Variants in PIK3CA observed in about 807,000 individuals in gnomAD.
The protein encoded by PIK3CA is phosphatidylinositol-4,5-bisphosphate 3-kinase catalytic subunit alpha.
A neutral mutation model predicts 138.2 loss-of-function variants in PIK3CA; 27 were observed. The observed-to-expected ratio is 0.20, with a 90% CI of 0.14 to 0.27. The LOEUF is 0.27. PIK3CA is among the 10% of genes least tolerant of loss of function. The pLI, the probability that PIK3CA is intolerant of heterozygous loss-of-function variation, is 1.00. For synonymous variants in PIK3CA, 358 were observed against 413.2 expected, an observed-to-expected ratio of 0.87 and a Z score of 1.62; for missense variants, 544 against 1,277.4, an observed-to-expected ratio of 0.43 and a Z score of 8.75.
intron 14 of PIK3CA, 80 bp downstream of exon 14, chr3:179,221,237 A>T (rs1724960095): frequency 1.2e-6 from 1 of 865,580 alleles, no homozygotes; most frequent in Non-Finnish European, 1.8e-6. Context: ...GTATATACAG[A>T]TCATGGTCCT....
intron 1 of PIK3CA, among the ~76,000 whole-genome samples, chr3:179,187,888 C>T (rs942365314): frequency 4.6e-5 from 7 of 152,120 alleles, no homozygotes; most frequent in Non-Finnish European, 7.4e-5. Flanking sequence ...CCGCCCGCCT[C>T]GGCCTCCCAA....
At position 179,204,531 on chromosome 3, in the gene PIK3CA, G is replaced by T. The variant is rs759188876; in HGVS notation, c.1088G>T (p.Gly363Val). The change falls in exon 6 of 21, where the codon GGA (glycine) becomes GTA (valine). Residue 363 changes from glycine (G) to valine (V), a missense_variant. Transcript: ENST00000263967. ...TATGTTCGAACAGGTATCTACCATGGAGGAGAACCCTTATGTGACAATGTG... is the reference window on the plus strand; with the variant it reads ...TATGTTCGAACAGGTATCTACCATGTAGGAGAACCCTTATGTGACAATGTG... ...KIYVRTGIYH[G>V]GEPLCDNVNT... 6.3e-7 allele frequency: 1 copy of T among 1,589,762 alleles called. No individual in the cohort carries two copies. Among genetic ancestry groups the T allele is most frequent in the Non-Finnish European group, 8.6e-7 (1 of 1,158,306 alleles).
At chr3:179,223,976 G>C in intron 14 of PIK3CA, 105 bp from the exon 15 acceptor site, 1 of 561,550 alleles carries the variant, frequency 1.8e-6, no homozygotes, top group South Asian at 2.9e-5. Context: ...TGTAGATTCA[G>C]AGACTGTACA....
rs1224372809 is a variant in PIK3CA, at chr3:179,204,502, G to C, written c.1060-1G>C. 1 of 1,499,362 alleles carries C rather than the reference G, an allele frequency of 6.7e-7. No homozygotes were observed. The highest frequency in any genetic ancestry group is 9.3e-7 in the Non-Finnish European group (1 of 1,077,780). The allele number at this position is 1,499,362 out of a possible 1,614,324, so 92.9% of individuals were successfully genotyped here. ...AGTATATACCTACTTTTTTCTTTTA[G>C]ATCTATGTTCGAACAGGTATCTACC... On this transcript the variant is annotated splice_acceptor_variant, in intron 5 of 20. Coordinates refer to ENST00000263967, the MANE Select transcript of PIK3CA (RefSeq NM_006218.4). LOFTEE classifies it high-confidence loss of function.
At chr3:179,187,811 G>T (rs1560133330) in intron 1 of PIK3CA, among the ~76,000 whole-genome samples, 1 of 151,200 alleles carries the variant, frequency 6.6e-6, no homozygotes, top group Non-Finnish European at 1.5e-5. Flanking sequence ...CTAATTTTTT[G>T]TATTTTTAGT....
chr3:179,213,161 G>A (rs1234933500), intron 9 of PIK3CA, among the ~76,000 whole-genome samples: 5 of 152,188 alleles, frequency 3.3e-5, no homozygotes, highest in Non-Finnish European at 4.4e-5. Flanking sequence ...TCTCTGAGAT[G>A]ATAACCTTGA....
rs762836471 is a variant in PIK3CA, at chr3:179,234,373, CT to C, written c.*10del. The C allele has an allele frequency of 1.4e-5, 22 of 1,593,592 alleles. No individual in the cohort carries two copies. In the Admixed American group the frequency reaches 3.8e-4, roughly 27 times the overall value. ...AGCATGCATTGAACTGAAAAGATAACTGAGAAAATGAAAGCTCACTCTGGAT... is the reference window on the plus strand; with the variant it reads ...AGCATGCATTGAACTGAAAAGATAACGAGAAAATGAAAGCTCACTCTGGAT... On this transcript the variant is annotated 3_prime_UTR_variant, in exon 21 of 21. Coordinates refer to ENST00000263967, the MANE Select transcript of PIK3CA (RefSeq NM_006218.4). This position sits in a 1 kb window ranked among gnomAD's most constrained non-coding sequence, Gnocchi z 5.1.
chr3:179,203,220 G>A (rs756370641), intron 4 of PIK3CA, among the ~76,000 whole-genome samples: 10 of 152,110 alleles, frequency 6.6e-5, no homozygotes, highest in Admixed American at 2.0e-4. Flanking sequence ...GATTACAGGC[G>A]TGAGCCACCA....
At chr3:179,233,134 T>C (rs1404251662) in intron 20 of PIK3CA, among the ~76,000 whole-genome samples, 1 of 152,064 alleles carries the variant, frequency 6.6e-6, no homozygotes, top group Admixed American at 6.6e-5. Flanking sequence ...GCTGGGATTA[T>C]AGAAATGAGC....
Position 179,198,855 on chromosome 3 carries a change from G to C in PIK3CA, c.30G>C (p.Leu10=), listed in dbSNP as rs758862912. MPPRPSSGE[L]WGIHLMPPRI... is the part of the protein sequence containing the mutation. ...CTCCACGACCATCATCAGGTGAACT[G>C]TGGGGCATCCACTTGATGCCCCCAA... is the stretch of plus-strand genomic sequence containing the variant. The change falls in exon 2 of 21, where the codon CTG becomes CTC. Residue 10 remains leucine (L), a synonymous_variant. Transcript: ENST00000263967. 1 of 1,573,464 alleles carries C rather than the reference G, an allele frequency of 6.4e-7. No individual in the cohort carries two copies. Among genetic ancestry groups the C allele is most frequent in the Non-Finnish European group, 8.6e-7 (1 of 1,162,574 alleles).
chr3:179,203,831 T>C (rs1724486215), intron 5 of PIK3CA, 42 bp downstream of exon 5: 1 of 1,438,402 alleles, frequency 7.0e-7, no homozygotes, highest in Admixed American at 2.0e-5. Flanking sequence ...TAGAAATTAT[T>C]TTAGATAACC....
At chr3:179,214,505 A>G (rs116251171) in intron 9 of PIK3CA, among the ~76,000 whole-genome samples, 2,400 of 152,208 alleles carry the variant, frequency 0.016, 93 homozygotes, top group South Asian at 0.13. Flanking sequence ...GGCACCCCCA[A>G]CTGCATCAGA....
intron 9 of PIK3CA, among the ~76,000 whole-genome samples, chr3:179,214,090 A>C (rs1020114006): frequency 1.3e-5 from 2 of 152,194 alleles, no homozygotes; most frequent in African/African-American, 2.4e-5. Context: ...TTCTATCTAG[A>C]CCACTAAAAC....
At chr3:179,203,218 G>C (rs954772049) in intron 4 of PIK3CA, among the ~76,000 whole-genome samples, 2 of 152,104 alleles carry the variant, frequency 1.3e-5, no homozygotes, top group Non-Finnish European at 2.9e-5. Context: ...GGGATTACAG[G>C]CGTGAGCCAC....
At chr3:179,202,606 G>A (rs371298781) in intron 4 of PIK3CA, among the ~76,000 whole-genome samples, 2 of 152,290 alleles carry the variant, frequency 1.3e-5, no homozygotes, top group Admixed American at 1.3e-4. Flanking sequence ...TTATTTTCTA[G>A]TGGGGCTTAT....
At chr3:179,174,793 A>G (rs1211432736) in intron 1 of PIK3CA, among the ~76,000 whole-genome samples, 1 of 152,182 alleles carries the variant, frequency 6.6e-6, no homozygotes, top group Non-Finnish European at 1.5e-5. Flanking sequence ...TAATAAAGCA[A>G]ATGCTACATG....
chr3:179,215,976 C>T (rs1724827605), intron 9 of PIK3CA, among the ~76,000 whole-genome samples: 1 of 152,076 alleles, frequency 6.6e-6, no homozygotes, highest in African/African-American at 2.4e-5. Flanking sequence ...TGTCCTCTAC[C>T]CTACTGCAGG....
intron 4 of PIK3CA, among the ~76,000 whole-genome samples, chr3:179,202,928 C>T (rs1023278807): frequency 3.8e-4 from 56 of 148,830 alleles, no homozygotes; most frequent in Non-Finnish European, 7.9e-4. Context: ...AATGAGTATC[C>T]TGTGATCCTT....
At position 179,230,249 on chromosome 3, in the gene PIK3CA, T is replaced by G; in HGVS notation, c.2809T>G (p.Phe937Val). ...GQLFHIDFGH[F>V]LDHKKKKFGY... ...GCTGTTTCATATAGATTTTGGACAC[T>G]TTTTGGATCACAAGAAGAAAAAATT... The change falls in exon 20 of 21, where the codon TTT becomes GTT. Residue 937 changes from phenylalanine (F) to valine (V), a missense_variant. Physicochemically the swap from Phe to Val is conservative, Grantham distance 50. Transcript: ENST00000263967. The surrounding 1 kb of genome is among the most constrained non-coding windows in gnomAD (Gnocchi z 5.4). 6.2e-7 allele frequency: 1 copy of G among 1,607,838 alleles called. No homozygotes were observed. Among genetic ancestry groups the G allele is most frequent in the Non-Finnish European group, 8.5e-7 (1 of 1,176,738 alleles).
Sources: allele counts gnomAD v4.1 joint callset (sites outside exome capture counted in the v4.1 genomes callset), GRCh38; gene constraint gnomAD v4.1.1; non-coding constraint Gnocchi (gnomAD v3.1); transcripts MANE v1.5; gene names NCBI Gene and HGNC (gene_info 2026-07-23, HGNC 2026-07-21).